Variants in KLF12 observed in about 807,000 individuals in gnomAD.
KLF12 encodes the protein Krueppel-like factor 12.
KLF12 carries 9 observed loss-of-function variants against 37.8 expected under a neutral mutation model. The ratio of observed to expected loss-of-function variants is 0.24; its 90% CI spans 0.14 to 0.42. The LOEUF is 0.42. KLF12 is among the 10% of genes least tolerant of loss of function. The pLI, the probability that KLF12 is intolerant of heterozygous loss-of-function variation, is 1.00. For missense variants in KLF12, 411 were observed against 516.0 expected (o/e 0.80, Z 1.97); for synonymous variants, 208 against 202.1 (o/e 1.03, Z -0.25).
At chr13:74,232,551 G>C in the KLF12 span, among the ~76,000 whole-genome samples, 70 of 152,188 alleles carry the variant, frequency 4.6e-4, no homozygotes, top group African/African-American at 1.6e-3. Context: ...CCTAAAAAAG[G>C]ATAAGTACTT....
At chr13:74,278,978 G>T in the KLF12 span, among the ~76,000 whole-genome samples, 1 of 152,092 alleles carries the variant, frequency 6.6e-6, no homozygotes, top group Non-Finnish European at 1.5e-5. Context: ...GGCTACTTTT[G>T]CCAGGAAGAG....
intron 1 of KLF12, among the ~76,000 whole-genome samples, chr13:74,118,524 T>C (rs1245324314): frequency 6.6e-6 from 1 of 152,198 alleles, no homozygotes; most frequent in African/African-American, 2.4e-5. Context: ...TTTCCATACA[T>C]TATGTTAATC....
the KLF12 span, among the ~76,000 whole-genome samples, chr13:74,152,578 C>T: frequency 6.6e-6 from 1 of 152,040 alleles, no homozygotes; most frequent in African/African-American, 2.4e-5. Context: ...AAGGTTTCTA[C>T]ATAAACAATA....
At chr13:73,932,761 A>G (rs1889746412) in intron 3 of KLF12, among the ~76,000 whole-genome samples, 1 of 152,174 alleles carries the variant, frequency 6.6e-6, no homozygotes, top group Non-Finnish European at 1.5e-5. Flanking sequence ...TGAAAGAGTG[A>G]TTCAAAAGAG....
chr13:73,840,118 G>A (rs112206571), intron 4 of KLF12, among the ~76,000 whole-genome samples: 5,585 of 152,066 alleles, frequency 0.037, 144 homozygotes, highest in African/African-American at 0.068. Context: ...ACACTCCCTC[G>A]CCAAATGCAC....
chr13:73,848,154 A>T (rs1885129673), intron 3 of KLF12, among the ~76,000 whole-genome samples: 2 of 152,180 alleles, frequency 1.3e-5, no homozygotes, highest in Admixed American at 1.3e-4. Flanking sequence ...TATTTTAGAG[A>T]GAGTGATTAC....
chr13:74,101,986 G>C (rs752635185), intron 1 of KLF12, among the ~76,000 whole-genome samples: 1 of 151,878 alleles, frequency 6.6e-6, no homozygotes, highest in Admixed American at 6.6e-5. Context: ...TTGGGAGGCC[G>C]AGACGGGCGG....
intron 2 of KLF12, among the ~76,000 whole-genome samples, chr13:73,974,730 A>T (rs1158615728): frequency 1.3e-5 from 2 of 152,196 alleles, no homozygotes; most frequent in Non-Finnish European, 2.9e-5. Context: ...CAAATATAAA[A>T]TTTCTCAGGG....
chr13:73,781,839 T>A (rs1555304958), intron 5 of KLF12, among the ~76,000 whole-genome samples: 1 of 151,726 alleles, frequency 6.6e-6, no homozygotes, highest in Non-Finnish European at 1.5e-5. Flanking sequence ...ATGCCACAAT[T>A]AAAAAAAAGA....
At chr13:74,295,433 C>T in the KLF12 span, among the ~76,000 whole-genome samples, 1 of 152,166 alleles carries the variant, frequency 6.6e-6, no homozygotes, top group Non-Finnish European at 1.5e-5. Flanking sequence ...TGCTCTCTTC[C>T]CTAAGGAGCC....
rs1031886558 is a variant in KLF12, at chr13:73,871,705, C to T, written c.124-25332G>A. On this transcript the variant is annotated intron_variant, in intron 3 of 7. Coordinates refer to ENST00000377669, the MANE Select transcript of KLF12 (RefSeq NM_007249.5). ...AACTATTTCCTAATTCCTAACACATCTTTAGGACACAGTTCAGACATTCCC... is the reference window on the plus strand; with the variant it reads ...AACTATTTCCTAATTCCTAACACATTTTTAGGACACAGTTCAGACATTCCC... Among the ~76,000 whole-genome samples the T allele has an allele frequency of 4.1e-4, 63 of 152,180 alleles. 1 individual carries two copies. Among genetic ancestry groups the T allele is most frequent in the African/African-American group, 1.5e-3 (63 of 41,446 alleles).
intron 2 of KLF12, among the ~76,000 whole-genome samples, chr13:73,965,595 T>C (rs1593789644): frequency 6.6e-6 from 1 of 152,326 alleles, no homozygotes; most frequent in East Asian, 1.9e-4. Context: ...GCGTGGTCCA[T>C]GCAGTGATAA....
chr13:74,233,463 A>T, the KLF12 span, among the ~76,000 whole-genome samples: 1 of 152,180 alleles, frequency 6.6e-6, no homozygotes, highest in Non-Finnish European at 1.5e-5. Context: ...AATGGAAAAA[A>T]GTCATTTTGT....
At chr13:73,815,377 G>A (rs1390636819) in intron 4 of KLF12, among the ~76,000 whole-genome samples, 1 of 152,298 alleles carries the variant, frequency 6.6e-6, no homozygotes, top group South Asian at 2.1e-4. Flanking sequence ...TATTAAAAGG[G>A]ATGTACTGGA....
chr13:74,091,198 T>C (rs192269110), intron 1 of KLF12, among the ~76,000 whole-genome samples: 1 of 152,178 alleles, frequency 6.6e-6, no homozygotes, highest in African/African-American at 2.4e-5. Context: ...CTTTGGACCC[T>C]TGCCTCATAA....
At chr13:74,054,475 A>G (rs906095582) in intron 1 of KLF12, among the ~76,000 whole-genome samples, 19 of 152,272 alleles carry the variant, frequency 1.2e-4, no homozygotes, top group African/African-American at 4.6e-4. Flanking sequence ...CTGATGGGAG[A>G]GGCTGGCAAG....
chr13:74,017,465 C>A (rs1892722341), intron 1 of KLF12, among the ~76,000 whole-genome samples: 2 of 150,566 alleles, frequency 1.3e-5, no homozygotes, highest in Non-Finnish European at 2.9e-5. Flanking sequence ...CATCTAGTTG[C>A]TGAATACAGA....
chr13:73,957,949 G>A (rs1890894638), intron 2 of KLF12, among the ~76,000 whole-genome samples: 1 of 152,140 alleles, frequency 6.6e-6, no homozygotes, highest in Non-Finnish European at 1.5e-5. Context: ...TGATTCACAG[G>A]AATAAAAGAG....
the KLF12 span, among the ~76,000 whole-genome samples, chr13:74,300,271 G>T: frequency 6.6e-6 from 1 of 152,148 alleles, no homozygotes; most frequent in Non-Finnish European, 1.5e-5. Flanking sequence ...TTGGCTTCCT[G>T]ACTCATACAT....
Sources: gnomAD v4.1 joint callset for allele counts (sites outside exome capture counted in the v4.1 genomes callset) on GRCh38, gnomAD v4.1.1 for gene constraint, MANE v1.5 for transcripts, NCBI Gene and HGNC (gene_info 2026-07-23, HGNC 2026-07-21) for gene names.